The following HJURP variants were observed in gnomAD, a reference collection of about 807,000 sequenced individuals.
HJURP encodes the protein Holliday junction recognition protein.
A neutral mutation model predicts 72.0 loss-of-function variants in HJURP; 49 were observed. That is an observed-to-expected ratio of 0.68 (90% CI 0.54 to 0.86). HJURP has a LOEUF of 0.86. Among genes scored for constraint, HJURP ranks in the 40% least tolerant of loss-of-function variants. The pLI, the probability that HJURP is intolerant of heterozygous loss-of-function variation, is 0.00. For missense variants in HJURP, 908 were observed against 936.3 expected (o/e 0.97, Z 0.39); for synonymous variants, 357 against 347.1 (o/e 1.03, Z -0.32).
rs1263568563 is a variant in HJURP at position 233,837,648 on chromosome 2, C to T, written c.2176G>A (p.Glu726Lys). The T allele has an allele frequency of 6.3e-7, 1 of 1,594,184 alleles. No homozygotes were observed. Among genetic ancestry groups the T allele is most frequent in the Non-Finnish European group, 8.5e-7 (1 of 1,170,438 alleles). Reference protein sequence around the residue: ...SSQPNSEERGENTSYRMEEKS... With the variant: ...SSQPNSEERGKNTSYRMEEKS... Reference sequence around the variant, plus strand: ...TCTTCCATCCTGTAAGACGTGTTCTCTCCTCTAGGAAAAAAAAAAGACAAA... The same window carrying T: ...TCTTCCATCCTGTAAGACGTGTTCTTTCCTCTAGGAAAAAAAAAAGACAAA... The change falls in exon 9 of 9, where the codon GAG becomes AAG. Residue 726 changes from glutamate (E) to lysine (K), a missense_variant. This residue lies in a region of HJURP where 598 missense variants were observed against 619.5 expected (regional missense o/e 0.97). Transcript: ENST00000411486.
chr2:233,847,354 C>T lies in HJURP; in HGVS notation c.402+43G>A, dbSNP rs1442598728. On this transcript the variant is annotated intron_variant, in intron 5 of 8. Coordinates refer to ENST00000411486, the MANE Select transcript of HJURP (RefSeq NM_018410.5). Reference sequence around the variant, plus strand: ...GGGCTTTGATGGACCCCTGAGCCCCCAAGCGCCCCCTCTGTCCATTCATTA... The same window carrying T: ...GGGCTTTGATGGACCCCTGAGCCCCTAAGCGCCCCCTCTGTCCATTCATTA... 18 of 1,505,276 alleles carry T rather than the reference C, an allele frequency of 1.2e-5. No homozygotes were observed. The African/African-American group carries it at 2.1e-4, about 17-fold the overall frequency. The allele number at this position is 1,505,276 out of a possible 1,614,324, so 93.2% of individuals were successfully genotyped here.
rs376359351 is a variant in HJURP at position 233,837,564 on chromosome 2, C to A, written c.*13G>T. On this transcript the variant is annotated 3_prime_UTR_variant, in exon 9 of 9. Coordinates refer to ENST00000411486, the MANE Select transcript of HJURP (RefSeq NM_018410.5). Reference sequence around the variant, plus strand: ...GCAAGTGGGAAGATAAATAACACTCCGAAATAACCTAGCTACACACTTTTA... The same window carrying A: ...GCAAGTGGGAAGATAAATAACACTCAGAAATAACCTAGCTACACACTTTTA... 1 of 1,572,514 alleles carries A rather than the reference C, an allele frequency of 6.4e-7. No homozygotes were observed. Among genetic ancestry groups the A allele is most frequent in the Non-Finnish European group, 8.7e-7 (1 of 1,145,636 alleles).
intron 2 of HJURP, among the ~76,000 whole-genome samples, chr2:233,853,640 G>T (rs1705547852): frequency 6.6e-6 from 1 of 152,214 alleles, no homozygotes; most frequent in African/African-American, 2.4e-5. Context: ...TAAGCCGGAG[G>T]CATGTGAGCC....
rs1255891515 is a variant in HJURP, at chr2:233,840,600, C to T, written c.2171+9G>A. 1.9e-6 allele frequency: 3 copies of T among 1,563,584 alleles called. No individual in the cohort carries two copies. The highest frequency in any genetic ancestry group is 1.7e-6 in the Non-Finnish European group (2 of 1,160,008). ...ATAAACCACATTCAACCAACAGAAA[C>T]ACACCTACCTCTCTTCTGAGTTGGG... On this transcript the variant is annotated intron_variant, in intron 8 of 8. Transcript: ENST00000411486.
At chr2:233,851,013 G>A (rs1054741808) in intron 3 of HJURP, among the ~76,000 whole-genome samples, 9 of 152,266 alleles carry the variant, frequency 5.9e-5, no homozygotes, top group African/African-American at 1.9e-4. Context: ...AGTGAAGTCA[G>A]AGATGTCCCC....
rs563773262 is a variant in HJURP, at chr2:233,851,560, T to TA, written c.240+1004dup. 4.5e-3 allele frequency among the ~76,000 whole-genome samples: 686 copies of TA among 152,196 alleles called. 2 individuals are homozygous for TA. Among genetic ancestry groups the TA allele is most frequent in the Non-Finnish European group, 7.7e-3 (525 of 68,020 alleles). On this transcript the variant is annotated intron_variant, in intron 3 of 8. Transcript: ENST00000411486. ...AATTGCCTATCAACAGGAGAGCAGT[T>TA]AAAAAAACATGATTTTTTAAATAAT...
chr2:233,854,031 T>A, intron 1 of HJURP, 121 bp from the exon 2 acceptor site: 1 of 818,946 alleles, frequency 1.2e-6, no homozygotes, highest in South Asian at 1.6e-5. Context: ...CCAAACGCGG[T>A]CTCTGCAGCG....
In HJURP at chr2:233,854,470, C is replaced by T. The variant is rs1472931213; in HGVS notation, c.31G>A (p.Glu11Lys). ...AGCAGCTGGTCGTCTTCCACGTCCT[C>T]GCCCTCCATGGCGCGCAGCGTACCC... MLGTLRAMEGEDVEDDQLLQK... is the reference protein window; with the variant it reads MLGTLRAMEGKDVEDDQLLQK... The change falls in exon 1 of 9, where the codon GAG (glutamate) becomes AAG (lysine). Residue 11 changes from glutamate to lysine, a missense_variant. Glu to Lys is a moderately conservative substitution (Grantham distance 56). Coordinates refer to ENST00000411486, the MANE Select transcript of HJURP (RefSeq NM_018410.5). 1.2e-6 allele frequency: 2 copies of T among 1,612,710 alleles called. No individual in the cohort carries two copies. Among genetic ancestry groups the T allele is most frequent in the Admixed American group, 1.7e-5 (1 of 59,958 alleles).
chr2:233,853,184 G>A (rs1173259352), intron 2 of HJURP, among the ~76,000 whole-genome samples: 1 of 152,196 alleles, frequency 6.6e-6, no homozygotes, highest in Non-Finnish European at 1.5e-5. Context: ...TCCGTTTAAT[G>A]CAACATAGAA....
At chr2:233,845,387 A>G (rs1298027099) in intron 6 of HJURP, among the ~76,000 whole-genome samples, 1 of 152,130 alleles carries the variant, frequency 6.6e-6, no homozygotes, top group African/African-American at 2.4e-5. Context: ...CCTGACCTCA[A>G]GTGACCCACC....
At chr2:233,838,809 AT>A (rs1228126775) in intron 8 of HJURP, among the ~76,000 whole-genome samples, 1 of 152,196 alleles carries the variant, frequency 6.6e-6, no homozygotes, top group Non-Finnish European at 1.5e-5. Flanking sequence ...TGCCATGAAG[AT>A]GTAGCTGAGA....
Position 233,841,480 on chromosome 2 carries a change from T to C in HJURP, c.1300A>G (p.Ile434Val), listed in dbSNP as rs757840138. Residue 434 changes from isoleucine (I) to valine (V), a missense_variant, in exon 8 of 9, where the codon ATT becomes GTT. This residue lies in a region of HJURP where 598 missense variants were observed against 619.5 expected (regional missense o/e 0.97). Transcript: ENST00000411486. Reference protein sequence around the residue: ...QGHGENRQREIEIRFDQLHRE... With the variant: ...QGHGENRQREVEIRFDQLHRE... ...TGAAGCTGATCAAATCGGATTTCAA[T>C]CTCCCTCTGACGGTTCTCTCCATGG... The C allele has an allele frequency of 6.2e-7, 1 of 1,614,186 alleles. No homozygotes were observed. Among genetic ancestry groups the C allele is most frequent in the South Asian group, 1.1e-5 (1 of 91,080 alleles).
rs535845916 is a variant in HJURP at position 233,847,132 on chromosome 2, T to C, written c.402+265A>G. On this transcript the variant is annotated intron_variant, in intron 5 of 8. Transcript: ENST00000411486. ...GCCCTGCCAACCACACTGACAGCTT[T>C]ATCTGCAGAGTGAAAATCATCGTGA... 2.0e-5 allele frequency among the ~76,000 whole-genome samples: 3 copies of C among 152,344 alleles called. No homozygotes were observed. The South Asian group carries it at 6.2e-4, about 32-fold the overall frequency.
rs912753855 is a variant in HJURP at position 233,841,202 on chromosome 2, C to T, written c.1578G>A (p.Lys526=). The change falls in exon 8 of 9, where the codon AAG becomes AAA. Residue 526 remains lysine (K), a synonymous_variant. Transcript: ENST00000411486. Reference sequence around the variant, plus strand: ...GAGTTGCGCTGTGTGTGGGGTTGGTCTTTGGAAGTGATGAAGATGAATCGC... The same window carrying T: ...GAGTTGCGCTGTGTGTGGGGTTGGTTTTTGGAAGTGATGAAGATGAATCGC... The part of the protein sequence containing the change: ...PKSDSSSSLP[K]TNPTHSATRP... The T allele has an allele frequency of 6.2e-7, 1 of 1,614,034 alleles. No individual in the cohort carries two copies.
In HJURP at chr2:233,843,189, G is replaced by A. The variant is rs568250003; in HGVS notation, c.575-984C>T. On this transcript the variant is annotated intron_variant, in intron 7 of 8. Coordinates refer to ENST00000411486, the MANE Select transcript of HJURP (RefSeq NM_018410.5). Reference sequence around the variant, plus strand: ...TTTGAGCAGAATAATGCCAACTGACGTGTGCCAAGGAACGGCAGAGACAGA... The same window carrying A: ...TTTGAGCAGAATAATGCCAACTGACATGTGCCAAGGAACGGCAGAGACAGA... Among the ~76,000 whole-genome samples, 27 of 152,254 alleles carry A rather than the reference G, an allele frequency of 1.8e-4. 1 individual carries two copies. Among genetic ancestry groups the A allele is most frequent in the Non-Finnish European group, 3.5e-4 (24 of 68,020 alleles).
chr2:233,851,696 G>A (rs1380898248), intron 3 of HJURP, among the ~76,000 whole-genome samples: 1 of 152,136 alleles, frequency 6.6e-6, no homozygotes, highest in African/African-American at 2.4e-5. Context: ...GTATTATAGG[G>A]AATCACATTG....
intron 4 of HJURP, among the ~76,000 whole-genome samples, chr2:233,848,736 G>A (rs531700578): frequency 6.6e-6 from 1 of 152,304 alleles, no homozygotes; most frequent in Admixed American, 6.5e-5. Context: ...CTGCTGGGCA[G>A]TAAAACGCCC....
chr2:233,850,347 G>A (rs1705469470), intron 3 of HJURP, among the ~76,000 whole-genome samples: 1 of 152,224 alleles, frequency 6.6e-6, no homozygotes, highest in African/African-American at 2.4e-5. Flanking sequence ...AGAGGCAGCT[G>A]CTTGTCCTGA....
At chr2:233,845,139 G>T (rs546102490) in intron 6 of HJURP, among the ~76,000 whole-genome samples, 2 of 151,776 alleles carry the variant, frequency 1.3e-5, no homozygotes, top group African/African-American at 4.8e-5. Flanking sequence ...TAAGAGTCCC[G>T]TGTGTGGCCC....
Sources: allele counts gnomAD v4.1 joint callset (sites outside exome capture counted in the v4.1 genomes callset), GRCh38; gene constraint gnomAD v4.1.1; regional missense constraint gnomAD v4.1.1; transcripts MANE v1.5; gene names NCBI Gene and HGNC (gene_info 2026-07-23, HGNC 2026-07-21).